Variants in SNTA1 observed in about 807,000 individuals in gnomAD.
The protein encoded by SNTA1 is alpha-1-syntrophin.
A neutral mutation model predicts 47.1 loss-of-function variants in SNTA1; 31 were observed. That is an observed-to-expected ratio of 0.66 (90% CI 0.49 to 0.89). The LOEUF is 0.89. Ranked by LOEUF, SNTA1 falls within the 40% of genes least tolerant of loss-of-function variation. The probability of loss-of-function intolerance (pLI) is 0.00; values close to 1 mark genes in which losing one functional copy is unlikely to be tolerated. For synonymous variants in SNTA1, 300 were observed against 313.6 expected, an observed-to-expected ratio of 0.96 and a Z score of 0.46; for missense variants, 575 against 693.0, an observed-to-expected ratio of 0.83 and a Z score of 1.91.
chr20:33,439,095 C>A (rs1990517169), intron 1 of SNTA1, 69 bp from the exon 2 acceptor site: 26 of 1,401,264 alleles, frequency 1.9e-5, no homozygotes, highest in Non-Finnish European at 1.6e-5. Flanking sequence ...CATCAAGACA[C>A]AATTATTTCT....
chr20:33,437,119 C>T (rs1360403016), intron 2 of SNTA1, among the ~76,000 whole-genome samples: 4 of 151,670 alleles, frequency 2.6e-5, no homozygotes, highest in Non-Finnish European at 4.4e-5. Context: ...AAAAATTAGC[C>T]GGGCATGGTG....
At chr20:33,436,831 T>C (rs1427912602) in intron 2 of SNTA1, among the ~76,000 whole-genome samples, 1 of 147,138 alleles carries the variant, frequency 6.8e-6, no homozygotes, top group Admixed American at 6.9e-5. Context: ...CCAGGCGTGG[T>C]AGTGCGCACC....
At chr20:33,428,260 T>G (rs1178805191) in intron 2 of SNTA1, among the ~76,000 whole-genome samples, 1 of 151,856 alleles carries the variant, frequency 6.6e-6, no homozygotes, top group Non-Finnish European at 1.5e-5. Flanking sequence ...GCACAAAAAT[T>G]TAGCTGGGTG....
chr20:33,443,255 C>T, intron 1 of SNTA1, 56 bp downstream of exon 1: 2 of 1,369,890 alleles, frequency 1.5e-6, no homozygotes, highest in Non-Finnish European at 1.9e-6. Flanking sequence ...CAGCCCCCTG[C>T]GCCCTCGGCT....
Position 33,443,599 on chromosome 20 carries a change from G to A in SNTA1, c.22C>T (p.Pro8Ser). ...CGCAGCTCCAGCAGCCCGGTGCGCG[G>A]GGCGCGCCTGCCGGACGCCATCTTC... MASGRRA[P>S]RTGLLELRAG... The change falls in exon 1 of 8, where the codon CCG (proline) becomes TCG (serine). Residue 8 changes from proline to serine, a missense_variant. Transcript: ENST00000217381. 1 of 1,236,714 alleles carries A rather than the reference G, an allele frequency of 8.1e-7. No individual in the cohort carries two copies. The highest frequency in any genetic ancestry group is 2.7e-5 in the South Asian group (1 of 37,384). The allele number at this position is 1,236,714 out of a possible 1,614,324, so 76.6% of individuals were successfully genotyped here. A position where few individuals can be genotyped will look rare whatever the true frequency, so the allele number is the denominator to read the frequency against.
chr20:33,443,638 C>T lies in SNTA1; in HGVS notation c.-18G>A, dbSNP rs886056628. On this transcript the variant is annotated 5_prime_UTR_variant, in exon 1 of 8. Coordinates refer to ENST00000217381, the MANE Select transcript of SNTA1 (RefSeq NM_003098.3). Reference sequence around the variant, plus strand: ...GACGCCATCTTCGCCTCCGAGCCCCCGGGCCGCCGCGCTCGCCCTGTCCCG... The same window carrying T: ...GACGCCATCTTCGCCTCCGAGCCCCTGGGCCGCCGCGCTCGCCCTGTCCCG... 10 of 1,197,102 alleles carry T rather than the reference C, an allele frequency of 8.4e-6. No homozygotes were observed. In the East Asian group the frequency reaches 3.4e-4, roughly 41 times the overall value. 74.2% of individuals were successfully genotyped at this position (1,197,102 alleles called of 1,614,324 possible). A position where few individuals can be genotyped will look rare whatever the true frequency, so the allele number is the denominator to read the frequency against.
intron 1 of SNTA1, among the ~76,000 whole-genome samples, chr20:33,440,002 G>A (rs758784094): frequency 1.3e-5 from 2 of 152,158 alleles, no homozygotes; most frequent in Non-Finnish European, 2.9e-5. Flanking sequence ...GCGGATGCCT[G>A]TAATCCCAGC....
intron 2 of SNTA1, among the ~76,000 whole-genome samples, chr20:33,437,789 C>T (rs1990478561): frequency 6.6e-6 from 1 of 152,208 alleles, no homozygotes; most frequent in Non-Finnish European, 1.5e-5. Context: ...AAGGGCTGAG[C>T]AAAGCAGAAA....
intron 5 of SNTA1, among the ~76,000 whole-genome samples, chr20:33,411,274 A>C (rs1392172199): frequency 6.6e-6 from 1 of 150,522 alleles, no homozygotes; most frequent in Non-Finnish European, 1.5e-5. Context: ...TCCCACACAC[A>C]CTCTGGACTT....
chr20:33,408,261 C>T lies in SNTA1; in HGVS notation c.*246G>A. On this transcript the variant is annotated 3_prime_UTR_variant, in exon 8 of 8. Coordinates refer to ENST00000217381, the MANE Select transcript of SNTA1 (RefSeq NM_003098.3). Reference sequence around the variant, plus strand: ...GCTTCTGTGTACACAAAATATCTCTCTGCAAAAGGCACTGGTGGAGGGGGG... The same window carrying T: ...GCTTCTGTGTACACAAAATATCTCTTTGCAAAAGGCACTGGTGGAGGGGGG... 1 of 553,874 alleles carries T rather than the reference C, an allele frequency of 1.8e-6. No individual in the cohort carries two copies. Among genetic ancestry groups the T allele is most frequent in the South Asian group, 1.9e-5 (1 of 51,290 alleles). 34.3% of individuals were successfully genotyped at this position (553,874 alleles called of 1,614,324 possible). A position where few individuals can be genotyped will look rare whatever the true frequency, so the allele number is the denominator to read the frequency against.
rs987755316 is a variant in SNTA1 at position 33,410,345 on chromosome 20, G to C, written c.1041-14C>G. On this transcript the variant is annotated splice_polypyrimidine_tract_variant and intron_variant, in intron 5 of 7. Transcript: ENST00000217381. ...GAGTGCACCAGTCTGGGGGTTGGGG[G>C]CAGAGGGCTGAGCATGAGGCCTCAG... 1 of 1,566,416 alleles carries C rather than the reference G, an allele frequency of 6.4e-7. No individual in the cohort carries two copies. Among genetic ancestry groups the C allele is most frequent in the South Asian group, 1.1e-5 (1 of 88,146 alleles).
chr20:33,438,867 T>A lies in SNTA1; in HGVS notation c.470A>T (p.Lys157Met), dbSNP rs748041689. 1 of 1,614,112 alleles carries A rather than the reference T, an allele frequency of 6.2e-7. No individual in the cohort carries two copies. The highest frequency in any genetic ancestry group is 1.1e-5 in the South Asian group (1 of 91,072). Residue 157 changes from lysine (K) to methionine (M), a missense_variant, in exon 2 of 8, where the codon AAG becomes ATG. Lys to Met is a moderately conservative substitution (Grantham distance 95). Coordinates refer to ENST00000217381, the MANE Select transcript of SNTA1 (RefSeq NM_003098.3). ...CTCCAGCACCACCTCCTTGCCTGTC[T>A]TCTTGAGGACCTGCACCGCCTCATC... The part of the protein sequence containing the change: ...THDEAVQVLK[K>M]TGKEVVLEVK...
chr20:33,412,151 A>C (rs1222195247), intron 5 of SNTA1, 145 bp downstream of exon 5: 3 of 850,580 alleles, frequency 3.5e-6, no homozygotes, highest in African/African-American at 1.7e-5. Flanking sequence ...GAGGAAACTG[A>C]GGCCCAGACA....
intron 2 of SNTA1, among the ~76,000 whole-genome samples, chr20:33,437,427 C>T (rs1377129980): frequency 1.7e-4 from 13 of 75,836 alleles, no homozygotes; most frequent in African/African-American, 6.3e-4. Context: ...GACCCTGTCT[C>T]GAAAAAAAAA....
At chr20:33,410,771 A>G (rs950833663) in intron 5 of SNTA1, among the ~76,000 whole-genome samples, 1 of 152,000 alleles carries the variant, frequency 6.6e-6, no homozygotes, top group Non-Finnish European at 1.5e-5. Flanking sequence ...ACTTTTTATT[A>G]TTTGTTTTCG....
chr20:33,417,544 C>T (rs992115301), intron 3 of SNTA1, among the ~76,000 whole-genome samples, 175 bp downstream of exon 3: 1 of 152,180 alleles, frequency 6.6e-6, no homozygotes, highest in African/African-American at 2.4e-5. Context: ...AGAAGCAAAG[C>T]ACACCATCAT....
chr20:33,443,169 C>T (rs978981291), intron 1 of SNTA1, 142 bp downstream of exon 1: 10 of 532,170 alleles, frequency 1.9e-5, no homozygotes, highest in Non-Finnish European at 2.7e-5. Flanking sequence ...TGCCCAGTGC[C>T]CTCCGTTACC....
intron 3 of SNTA1, 45 bp from the exon 4 acceptor site, chr20:33,412,827 G>A (rs1337061555): frequency 7.2e-7 from 1 of 1,385,450 alleles, no homozygotes; most frequent in South Asian, 1.2e-5. Context: ...CCATTAGGCT[G>A]CAGCTGCCCA....
intron 2 of SNTA1, among the ~76,000 whole-genome samples, chr20:33,438,331 G>T (rs1169578938): frequency 6.6e-6 from 1 of 151,958 alleles, no homozygotes; most frequent in Non-Finnish European, 1.5e-5. Flanking sequence ...AAAAGCCAAG[G>T]CTTCTCCCAA....
Sources: allele counts gnomAD v4.1 joint callset (sites outside exome capture counted in the v4.1 genomes callset), GRCh38; gene constraint gnomAD v4.1.1; transcripts MANE v1.5; gene names NCBI Gene and HGNC (gene_info 2026-07-23, HGNC 2026-07-21).